Variants in MGRN1 observed in about 807,000 individuals in gnomAD.
The protein encoded by MGRN1 is mahogunin ring finger 1.
Under a neutral mutation model 69.2 loss-of-function variants are expected in MGRN1, and 29 were observed. The observed-to-expected ratio is 0.42, with a 90% CI of 0.31 to 0.57. The LOEUF (loss-of-function observed/expected upper bound fraction) is 0.57. Ranked by LOEUF, MGRN1 falls within the 20% of genes least tolerant of loss-of-function variation. The probability of loss-of-function intolerance (pLI) is 0.15; values close to 1 mark genes in which losing one functional copy is unlikely to be tolerated. For synonymous variants in MGRN1, 470 were observed against 344.2 expected (o/e 1.37, Z -4.04); for missense variants, 998 against 796.2 (o/e 1.25, Z -3.05).
Position 4,634,131 on chromosome 16 carries a change from G to A in MGRN1, c.88+9083G>A, listed in dbSNP as rs114394614. Among the ~76,000 whole-genome samples the A allele has an allele frequency of 8.0e-3, 1,211 of 152,322 alleles. 30 individuals are homozygous for A. The highest frequency in any genetic ancestry group is 0.027 in the African/African-American group (1,141 of 41,572). On this transcript the variant is annotated intron_variant, in intron 1 of 16. Transcript: ENST00000262370. ...TGATGGTAGCCCCTCCTGTGCCAGT[G>A]ACTTCCTCAGTGGCCTTGGCCAGTG...
chr16:4,685,735 C>G (rs555433243), intron 16 of MGRN1, among the ~76,000 whole-genome samples: 1 of 152,234 alleles, frequency 6.6e-6, no homozygotes, highest in Non-Finnish European at 1.5e-5. Context: ...CATCACAGAG[C>G]CCTTGACTGT....
At chr16:4,646,709 C>T (rs928845711) in intron 1 of MGRN1, among the ~76,000 whole-genome samples, 1 of 152,244 alleles carries the variant, frequency 6.6e-6, no homozygotes. Context: ...GTGCAGTCTG[C>T]CCAGAGACAT....
chr16:4,650,563 G>A (rs892940204), intron 2 of MGRN1, 80 bp downstream of exon 2: 18 of 1,149,732 alleles, frequency 1.6e-5, no homozygotes, highest in Non-Finnish European at 2.1e-5. Flanking sequence ...CCAGCCATGA[G>A]GGCAAGCAGG....
chr16:4,654,240 G>C (rs2078477562), intron 4 of MGRN1, among the ~76,000 whole-genome samples: 1 of 152,184 alleles, frequency 6.6e-6, no homozygotes, highest in Non-Finnish European at 1.5e-5. Context: ...GGGAGCAAAG[G>C]TCAAGGAACA....
chr16:4,634,808 T>C (rs1240040725), intron 1 of MGRN1: 1 of 152,260 alleles, frequency 6.6e-6, no homozygotes, highest in Non-Finnish European at 1.5e-5. Flanking sequence ...CTCAGTCCTT[T>C]CATCCAGCTC....
intron 8 of MGRN1, among the ~76,000 whole-genome samples, chr16:4,669,896 G>A (rs1361691999): frequency 6.6e-6 from 1 of 151,840 alleles, no homozygotes; most frequent in Non-Finnish European, 1.5e-5. Flanking sequence ...TAGAGGATGG[G>A]GTGCCCTAAA....
rs2079249667 is a variant in MGRN1 at position 4,683,992 on chromosome 16, G to A, written c.1618+60G>A. On this transcript the variant is annotated intron_variant, in intron 16 of 16. Coordinates refer to ENST00000262370, the MANE Select transcript of MGRN1 (RefSeq NM_015246.4). ...GTGCCTGTCTTAGTCCCCAGGGAGG[G>A]GGCCCTGCTCTGATGGTCGGTGCAT... The A allele has an allele frequency of 2.1e-6, 3 of 1,453,778 alleles. No individual in the cohort carries two copies. In the Admixed American group the frequency reaches 5.9e-5, roughly 29 times the overall value. The allele number at this position is 1,453,778 out of a possible 1,614,324, so 90.1% of individuals were successfully genotyped here. A position where few individuals can be genotyped will look rare whatever the true frequency, so the allele number is the denominator to read the frequency against.
At chr16:4,662,052 C>T (rs2078694352) in intron 5 of MGRN1, among the ~76,000 whole-genome samples, 1 of 152,168 alleles carries the variant, frequency 6.6e-6, no homozygotes. Flanking sequence ...CATAGCCTCC[C>T]TGGTTCGCAG....
chr16:4,643,270 A>G (rs1269324007), intron 1 of MGRN1, among the ~76,000 whole-genome samples: 4 of 151,744 alleles, frequency 2.6e-5, no homozygotes, highest in Non-Finnish European at 4.4e-5. Context: ...TAATTTTTGT[A>G]TTTTTGGCAG....
At chr16:4,680,351 G>C (rs554690529) in intron 12 of MGRN1, 1 of 481,468 alleles carries the variant, frequency 2.1e-6, no homozygotes, top group Non-Finnish European at 3.7e-6. Flanking sequence ...CGTGGCCCCC[G>C]TGCCGTTTCC....
chr16:4,664,368 G>T, intron 5 of MGRN1: 1 of 343,790 alleles, frequency 2.9e-6, no homozygotes, highest in Non-Finnish European at 5.4e-6. Context: ...AGGGGATGGG[G>T]AGTGTGTGGG....
At chr16:4,648,048 TGAAGGCCCCGG>T (rs2078311034) in intron 1 of MGRN1, among the ~76,000 whole-genome samples, 1 of 152,160 alleles carries the variant, frequency 6.6e-6, no homozygotes, top group Admixed American at 6.5e-5. Flanking sequence ...GAATTCCCGC[TGAAGGCCCCGG>T]GAAGGGCCCA....
At chr16:4,635,605 T>C (rs1898242588) in intron 1 of MGRN1, among the ~76,000 whole-genome samples, 1 of 151,620 alleles carries the variant, frequency 6.6e-6, no homozygotes, top group Non-Finnish European at 1.5e-5. Flanking sequence ...TAGCTGGGAT[T>C]ACAGGTGTGG....
intron 1 of MGRN1, among the ~76,000 whole-genome samples, chr16:4,631,104 G>C (rs1897980526): frequency 6.6e-6 from 1 of 152,142 alleles, no homozygotes; most frequent in Non-Finnish European, 1.5e-5. Flanking sequence ...TTACAGGTGT[G>C]AGCCGCTGTA....
At chr16:4,686,088 C>T (rs1318084797) in intron 16 of MGRN1, among the ~76,000 whole-genome samples, 15 of 48,678 alleles carry the variant, frequency 3.1e-4, no homozygotes, top group Non-Finnish European at 5.3e-4. Flanking sequence ...ATTCTGGCTG[C>T]GCTCTGCCTC....
intron 5 of MGRN1, among the ~76,000 whole-genome samples, chr16:4,663,726 C>T (rs569787203): frequency 6.6e-6 from 1 of 152,086 alleles, no homozygotes; most frequent in Non-Finnish European, 1.5e-5. Context: ...TCCTGAGGCC[C>T]AGAGAAGGAC....
rs1193027291 is a variant in MGRN1, at chr16:4,663,434, CGT to C, written c.562-1272_562-1271del. 8.4e-5 allele frequency among the ~76,000 whole-genome samples: 12 copies of C among 142,870 alleles called. No individual in the cohort carries two copies. The South Asian group carries it at 1.6e-3, about 19-fold the overall frequency. The allele number at this position is 142,870 out of a possible 152,430, so 93.7% of individuals were successfully genotyped here. A position where few individuals can be genotyped will look rare whatever the true frequency, so the allele number is the denominator to read the frequency against. ...TAATTACCATCTCCTGCAGCTCACTCGTGTTAAGCGAATGATTCGCTGGCTTT... is the reference window on the plus strand; with the variant it reads ...TAATTACCATCTCCTGCAGCTCACTCGTTAAGCGAATGATTCGCTGGCTTT... On this transcript the variant is annotated intron_variant, in intron 5 of 16. Coordinates refer to ENST00000262370, the MANE Select transcript of MGRN1 (RefSeq NM_015246.4).
At chr16:4,668,805 C>A (rs576437818) in intron 8 of MGRN1, among the ~76,000 whole-genome samples, 1 of 151,996 alleles carries the variant, frequency 6.6e-6, no homozygotes, top group African/African-American at 2.4e-5. Flanking sequence ...CATACACACA[C>A]GTATACAGAC....
intron 10 of MGRN1, among the ~76,000 whole-genome samples, chr16:4,676,038 A>T (rs2079045926): frequency 6.6e-6 from 1 of 152,234 alleles, no homozygotes; most frequent in South Asian, 2.1e-4. Context: ...CAGCTGCAGG[A>T]CACATGCGCT....
Sources: gnomAD v4.1 joint callset for allele counts (sites outside exome capture counted in the v4.1 genomes callset) on GRCh38, gnomAD v4.1.1 for gene constraint, MANE v1.5 for transcripts, NCBI Gene and HGNC (gene_info 2026-07-23, HGNC 2026-07-21) for gene names.